EVA1A: variants seen among roughly 807,000 people sequenced by gnomAD.
EVA1A encodes protein eva-1 homolog A.
A neutral mutation model predicts 9.8 loss-of-function variants in EVA1A; 7 were observed. The observed-to-expected ratio is 0.71, with a 90% CI of 0.41 to 1.34. The LOEUF (loss-of-function observed/expected upper bound fraction) is 1.34. Ranked by LOEUF, EVA1A falls within the 40% of genes most tolerant of loss-of-function variation. EVA1A has a pLI of 0.01. For synonymous variants in EVA1A, 90 were observed against 85.6 expected (o/e 1.05, Z -0.28); for missense variants, 206 against 205.9 (o/e 1.00, Z 0.00).
chr2:75,556,389 G>T (rs749395703), intron 1 of EVA1A, among the ~76,000 whole-genome samples: 3 of 152,176 alleles, frequency 2.0e-5, no homozygotes, highest in Non-Finnish European at 4.4e-5. Flanking sequence ...CCAACGAAGT[G>T]TGACATCAGA....
intron 1 of EVA1A, among the ~76,000 whole-genome samples, chr2:75,522,811 C>T (rs1459130869): frequency 1.3e-5 from 2 of 152,218 alleles, no homozygotes; most frequent in African/African-American, 4.8e-5. Flanking sequence ...CCCAATCTGG[C>T]CCCTCATCAG....
intron 3 of EVA1A, among the ~76,000 whole-genome samples, chr2:75,497,970 C>T (rs1296657710): frequency 6.6e-6 from 1 of 151,398 alleles, no homozygotes; most frequent in African/African-American, 2.4e-5. Context: ...AATCCCACTA[C>T]TGGGTGTATA....
exon 1 of EVA1A, chr2:75,569,631 G>T (rs1677086283): frequency 6.6e-6 from 1 of 152,256 alleles, no homozygotes; most frequent in Non-Finnish European, 1.5e-5. Flanking sequence ...TTCAGGGTCA[G>T]CCGCTACATA....
chr2:75,539,356 G>A (rs1676031153), intron 1 of EVA1A, among the ~76,000 whole-genome samples: 3 of 152,182 alleles, frequency 2.0e-5, no homozygotes, highest in Admixed American at 1.3e-4. Context: ...ACAAGAAAGT[G>A]CACAAGCTTC....
upstream of EVA1A, among the ~76,000 whole-genome samples, chr2:75,561,753 T>G (rs1393652226): frequency 6.6e-6 from 1 of 152,066 alleles, no homozygotes; most frequent in Non-Finnish European, 1.5e-5. Flanking sequence ...CAGGAGGCGG[T>G]CTAGCAAAGA....
At chr2:75,494,403 T>G (rs1674135050) in intron 3 of EVA1A, among the ~76,000 whole-genome samples, 1 of 152,152 alleles carries the variant, frequency 6.6e-6, no homozygotes, top group Non-Finnish European at 1.5e-5. Flanking sequence ...AATGGGTGAT[T>G]CTAAGATTAG....
chr2:75,563,306 C>T (rs533284307), upstream of EVA1A, among the ~76,000 whole-genome samples: 19 of 152,256 alleles, frequency 1.2e-4, no homozygotes, highest in Non-Finnish European at 2.2e-4. Flanking sequence ...GGGGTTCCTA[C>T]GGGTCATTCT....
At chr2:75,509,394 TGTTAACCA>T (rs1454561927) in intron 3 of EVA1A, among the ~76,000 whole-genome samples, 16 of 152,342 alleles carry the variant, frequency 1.1e-4, no homozygotes, top group Non-Finnish European at 1.9e-4. Flanking sequence ...AAATATTTGC[TGTTAACCA>T]GTTAACCAGT....
intron 1 of EVA1A, among the ~76,000 whole-genome samples, chr2:75,548,187 C>T (rs1212147039): frequency 6.6e-6 from 1 of 152,212 alleles, no homozygotes; most frequent in Non-Finnish European, 1.5e-5. Context: ...GGCTATAATG[C>T]AGAAGCGTGA....
At position 75,493,706 on chromosome 2, in the gene EVA1A, A is replaced by T. The variant is rs1013761884; in HGVS notation, c.86-97T>A. ...CAGCCTACACTTCTCACCAGGCCCC[A>T]AAGTTTTGATGGTTACAAATATTGT... On this transcript the variant is annotated intron_variant, in intron 3 of 3. Transcript: ENST00000393913. The T allele has an allele frequency of 2.5e-6, 3 of 1,212,698 alleles. No individual in the cohort carries two copies. In the Admixed American group the frequency reaches 9.3e-5, roughly 38 times the overall value. 75.1% of individuals were successfully genotyped at this position (1,212,698 alleles called of 1,614,324 possible).
At chr2:75,533,010 G>A (rs1675723864) in intron 1 of EVA1A, among the ~76,000 whole-genome samples, 1 of 151,940 alleles carries the variant, frequency 6.6e-6, no homozygotes, top group South Asian at 2.1e-4. Flanking sequence ...GGGTATGGTG[G>A]CATGCACCTG....
chr2:75,567,021 A>G (rs780147339), intron 1 of EVA1A, among the ~76,000 whole-genome samples: 3 of 152,188 alleles, frequency 2.0e-5, no homozygotes, highest in Admixed American at 1.3e-4. Context: ...AGAGATTTCA[A>G]TGATAAAAAA....
At chr2:75,517,838 G>C in intron 3 of EVA1A, 1 of 731,614 alleles carries the variant, frequency 1.4e-6, no homozygotes, top group Non-Finnish European at 2.5e-6. Context: ...TTTTCTGCAA[G>C]ACAAAGCTCT....
intron 1 of EVA1A, among the ~76,000 whole-genome samples, chr2:75,532,017 G>A (rs1236492441): frequency 2.6e-5 from 4 of 151,852 alleles, no homozygotes; most frequent in African/African-American, 2.4e-5. Context: ...AAAATTAGCC[G>A]GGTGTGGTGG....
In EVA1A at chr2:75,493,422, G is replaced by A. The variant is rs762975505; in HGVS notation, c.273C>T (p.Thr91=). The A allele has an allele frequency of 3.7e-6, 6 of 1,614,146 alleles. No homozygotes were observed. The South Asian group carries it at 4.4e-5, about 12-fold the overall frequency. Reference sequence around the variant, plus strand: ...GTCTCCGCACGGAGAGATCGGACACGGTGTCCTCACTGCCATCCTCGCTGT... The same window carrying A: ...GTCTCCGCACGGAGAGATCGGACACAGTGTCCTCACTGCCATCCTCGCTGT... ...SSDSEDGSED[T]VSDLSVRRHR... The change falls in exon 4 of 4, where the codon ACC becomes ACT. Residue 91 remains threonine (T), a synonymous_variant. Transcript: ENST00000393913.
chr2:75,559,276 T>C (rs1299826086), intron 1 of EVA1A, among the ~76,000 whole-genome samples: 1 of 152,210 alleles, frequency 6.6e-6, no homozygotes. Flanking sequence ...CAGCCAAATA[T>C]GTCTCCAGAC....
chr2:75,496,150 G>A (rs1207999231), intron 3 of EVA1A, among the ~76,000 whole-genome samples: 1 of 152,084 alleles, frequency 6.6e-6, no homozygotes, highest in Non-Finnish European at 1.5e-5. Flanking sequence ...TCCTTTCTGG[G>A]TAAACAAAAG....
At chr2:75,542,794 C>T (rs540354015) in intron 1 of EVA1A, 1 of 152,238 alleles carries the variant, frequency 6.6e-6, no homozygotes, top group East Asian at 1.9e-4. Context: ...GACCCAAGAA[C>T]TTGGAGTTTG....
At chr2:75,553,235 C>A (rs570978732) in intron 1 of EVA1A, among the ~76,000 whole-genome samples, 79 of 152,314 alleles carry the variant, frequency 5.2e-4, no homozygotes, top group African/African-American at 1.9e-3. Flanking sequence ...CTCACCTGCT[C>A]TCCAAGCTGA....
Sources: gnomAD v4.1 joint callset for allele counts (sites outside exome capture counted in the v4.1 genomes callset) on GRCh38, gnomAD v4.1.1 for gene constraint, MANE v1.5 for transcripts, NCBI Gene and HGNC (gene_info 2026-07-23, HGNC 2026-07-21) for gene names.